The following RBFOX1 variants were observed in gnomAD, a reference collection of about 807,000 sequenced individuals.
The protein encoded by RBFOX1 is RNA binding fox-1 homolog 1, also known as RNA binding protein fox-1 homolog 1.
A neutral mutation model predicts 57.7 loss-of-function variants in RBFOX1; 8 were observed. The ratio of observed to expected loss-of-function variants is 0.14; its 90% CI spans 0.08 to 0.25. The LOEUF (loss-of-function observed/expected upper bound fraction) is 0.25. Among genes scored for constraint, RBFOX1 ranks in the 10% least tolerant of loss-of-function variants. RBFOX1 has a pLI of 1.00. For synonymous variants in RBFOX1, 326 were observed against 222.4 expected (o/e 1.47, Z -4.15); for missense variants, 611 against 548.5 (o/e 1.11, Z -1.14).
chr16:5,475,658 G>T (rs866348756), intron 2 of RBFOX1, among the ~76,000 whole-genome samples: 1 of 152,336 alleles, frequency 6.6e-6, no homozygotes, highest in African/African-American at 2.4e-5. Flanking sequence ...CCTAATCTTT[G>T]TGACAACCCA....
At chr16:6,644,218 C>T (rs1366282861) in intron 2 of RBFOX1, among the ~76,000 whole-genome samples, 2 of 152,086 alleles carry the variant, frequency 1.3e-5, no homozygotes, top group African/African-American at 2.4e-5. Flanking sequence ...AATTAGAAGC[C>T]GTTGTTATTT....
At chr16:6,683,801 C>G (rs2059026600) in intron 3 of RBFOX1, among the ~76,000 whole-genome samples, 1 of 152,176 alleles carries the variant, frequency 6.6e-6, no homozygotes, top group African/African-American at 2.4e-5. Context: ...AATCCTCCTT[C>G]CACCAGTTAA....
intron 3 of RBFOX1, among the ~76,000 whole-genome samples, chr16:6,991,034 G>A (rs1245461779): frequency 6.6e-6 from 1 of 150,582 alleles, no homozygotes; most frequent in East Asian, 1.9e-4. Flanking sequence ...AGGCGTGGTG[G>A]CTCACACCTG....
chr16:6,717,527 T>C (rs980690004), intron 3 of RBFOX1, among the ~76,000 whole-genome samples: 3 of 152,110 alleles, frequency 2.0e-5, no homozygotes, highest in Admixed American at 6.5e-5. Flanking sequence ...CAACCAAAAA[T>C]TGTGCATAGT....
At chr16:5,275,621 T>G (rs573557893) in intron 1 of RBFOX1, among the ~76,000 whole-genome samples, 1 of 152,218 alleles carries the variant, frequency 6.6e-6, no homozygotes, top group South Asian at 2.1e-4. Context: ...CAAAAGCAGT[T>G]TACAAATTTA....
chr16:6,570,636 G>C (rs1194605199), intron 2 of RBFOX1, among the ~76,000 whole-genome samples: 1 of 151,952 alleles, frequency 6.6e-6, no homozygotes, highest in African/African-American at 2.4e-5. Flanking sequence ...TAAAGACAAA[G>C]CACCTTTTTA....
At chr16:6,967,131 T>C (rs2084433121) in intron 3 of RBFOX1, among the ~76,000 whole-genome samples, 1 of 152,148 alleles carries the variant, frequency 6.6e-6, no homozygotes, top group South Asian at 2.1e-4. Flanking sequence ...CTTATCTATT[T>C]AAACATTCAT....
intron 2 of RBFOX1, among the ~76,000 whole-genome samples, chr16:6,356,774 A>C (rs1489452102): frequency 6.6e-6 from 1 of 152,216 alleles, no homozygotes; most frequent in Admixed American, 6.5e-5. Context: ...AGTTAATAAT[A>C]AGGTGTCAAT....
intron 3 of RBFOX1, among the ~76,000 whole-genome samples, chr16:6,755,320 C>A (rs1218669322): frequency 3.3e-5 from 5 of 152,128 alleles, no homozygotes; most frequent in Admixed American, 1.3e-4. Context: ...GTCCCACCAA[C>A]AGTGTAAAAG....
intron 4 of RBFOX1, among the ~76,000 whole-genome samples, chr16:7,087,967 G>C (rs1221959185): frequency 2.0e-5 from 3 of 152,146 alleles, no homozygotes; most frequent in Non-Finnish European, 2.9e-5. Context: ...TTGCAGCCCA[G>C]AGTAATCGCA....
chr16:6,818,689 C>G (rs1041766070), intron 3 of RBFOX1, among the ~76,000 whole-genome samples: 23 of 152,068 alleles, frequency 1.5e-4, no homozygotes, highest in African/African-American at 5.3e-4. Flanking sequence ...CTTAGTGTTT[C>G]TCTAGAGAAG....
chr16:5,721,967 C>G lies in RBFOX1; in HGVS notation c.318+123006C>G, dbSNP rs1869786032. Among the ~76,000 whole-genome samples, 4 of 152,186 alleles carry G rather than the reference C, an allele frequency of 2.6e-5. 1 individual carries two copies. Among genetic ancestry groups the G allele is most frequent in the South Asian group, 2.1e-4 (1 of 4,828 alleles). On this transcript the variant is annotated intron_variant, in intron 3 of 19. Transcript: ENST00000641259. ...GAGAAAGCTACCTGGAAGGTCTTGA[C>G]AGTCTGTGGCATTTTGACCCCATAG...
intron 1 of RBFOX1, among the ~76,000 whole-genome samples, chr16:5,376,635 G>C (rs1427790125): frequency 6.6e-6 from 1 of 152,188 alleles, no homozygotes; most frequent in African/African-American, 2.4e-5. Flanking sequence ...CGCTAGTGCA[G>C]CTGCTGGCTG....
intron 2 of RBFOX1, among the ~76,000 whole-genome samples, chr16:6,647,985 G>A (rs935960835): frequency 3.3e-5 from 5 of 152,062 alleles, no homozygotes; most frequent in African/African-American, 1.2e-4. Context: ...GGAATTACAC[G>A]TGTGTGCCAC....
At chr16:6,880,346 C>T (rs570202380) in intron 3 of RBFOX1, among the ~76,000 whole-genome samples, 88 of 152,156 alleles carry the variant, frequency 5.8e-4, no homozygotes, top group Non-Finnish European at 1.1e-3. Flanking sequence ...TGACCACTGC[C>T]TTGGTTTTTA....
chr16:5,550,630 T>C lies in RBFOX1; in HGVS notation c.259-48272T>C, dbSNP rs530681546. Among the ~76,000 whole-genome samples, 5 of 152,308 alleles carry C rather than the reference T, an allele frequency of 3.3e-5. No individual in the cohort carries two copies. In the East Asian group the frequency reaches 9.6e-4, roughly 29 times the overall value. On this transcript the variant is annotated intron_variant, in intron 2 of 2. Transcript: ENST00000585867. ...ACCAGCTTGTTATTGACTTATTGAG[T>C]ACCTAGTATGTATCAGGTCCCATTT...
At chr16:7,380,705 G>C (rs1185630653) in intron 4 of RBFOX1, among the ~76,000 whole-genome samples, 1 of 152,218 alleles carries the variant, frequency 6.6e-6, no homozygotes, top group Non-Finnish European at 1.5e-5. Flanking sequence ...TCATACAACT[G>C]TTTTCGTTTG....
chr16:5,460,768 C>T (rs1380798342), intron 1 of RBFOX1, among the ~76,000 whole-genome samples: 1 of 152,204 alleles, frequency 6.6e-6, no homozygotes, highest in East Asian at 1.9e-4. Flanking sequence ...AGGAAGATGC[C>T]TCTGAGTGAT....
At chr16:6,915,493 C>T (rs1025711477) in intron 3 of RBFOX1, among the ~76,000 whole-genome samples, 5 of 151,906 alleles carry the variant, frequency 3.3e-5, no homozygotes, top group African/African-American at 7.3e-5. Context: ...CTACTATAGC[C>T]TAAATCTAAA....
Sources: allele counts gnomAD v4.1 joint callset (sites outside exome capture counted in the v4.1 genomes callset), GRCh38; gene constraint gnomAD v4.1.1; transcripts MANE v1.5; gene names NCBI Gene and HGNC (gene_info 2026-07-23, HGNC 2026-07-21).